Variants in GHRL observed in about 807,000 individuals in gnomAD.
GHRL encodes ghrelin and obestatin prepropeptide.
GHRL carries 24 observed loss-of-function variants against 16.9 expected under a neutral mutation model. The ratio of observed to expected loss-of-function variants is 1.42; its 90% CI spans 1.03 to 2.00. GHRL has a LOEUF of 2.00. GHRL is among the 30% of genes most tolerant of loss of function. The probability of loss-of-function intolerance (pLI) is 0.00; values close to 1 mark genes in which losing one functional copy is unlikely to be tolerated. For missense variants in GHRL, 193 were observed against 142.1 expected (o/e 1.36, Z -1.82); for synonymous variants, 63 against 58.2 (o/e 1.08, Z -0.37).
At position 10,285,985 on chromosome 3, in the gene GHRL, T is replaced by C. The variant is rs1261214295; in HGVS notation, c.335-91A>G. 7 of 1,160,544 alleles carry C rather than the reference T, an allele frequency of 6.0e-6. No individual in the cohort carries two copies. The South Asian group carries it at 6.4e-5, about 11-fold the overall frequency. The allele number at this position is 1,160,544 out of a possible 1,614,324, so 71.9% of individuals were successfully genotyped here. On this transcript the variant is annotated intron_variant, in intron 5 of 5. Transcript: ENST00000335542. ...TGGTGAGATTGGAGGTGGGATGTAA[T>C]GGTGGGGGTTGTGGGGAAGCACTGG... is the stretch of plus-strand genomic sequence containing the variant.
At position 10,285,745 on chromosome 3, in the gene GHRL, C is replaced by A; in HGVS notation, c.*130G>T. 1.5e-6 allele frequency: 1 copy of A among 673,588 alleles called. No homozygotes were observed. The highest frequency in any genetic ancestry group is 2.7e-6 in the Non-Finnish European group (1 of 370,590). 41.7% of individuals were successfully genotyped at this position (673,588 alleles called of 1,614,324 possible). A position where few individuals can be genotyped will look rare whatever the true frequency, so the allele number is the denominator to read the frequency against. ...TGAAATAAATTCCCATTTGGAACAT[C>A]AGCATACAGTTTGAACATTTATTCG... On this transcript the variant is annotated 3_prime_UTR_variant, in exon 6 of 6. Coordinates refer to ENST00000335542, the MANE Select transcript of GHRL (RefSeq NM_016362.5).
Position 10,292,929 on chromosome 3 carries a change from G to A in GHRL, c.-853C>T, listed in dbSNP as rs1227536839. On this transcript the variant is annotated 5_prime_UTR_variant, in exon 1 of 6. Coordinates refer to ENST00000335542, the MANE Select transcript of GHRL (RefSeq NM_016362.5). ...AAGTAAACATCCACTGTGCAAAGCT[G>A]TGTTATCTTTGGGGAACTGAAATGT... The A allele has an allele frequency of 2.6e-6, 4 of 1,522,168 alleles. No homozygotes were observed. Among genetic ancestry groups the A allele is most frequent in the African/African-American group, 1.4e-5 (1 of 71,526 alleles). The allele number at this position is 1,522,168 out of a possible 1,614,324, so 94.3% of individuals were successfully genotyped here. A position where few individuals can be genotyped will look rare whatever the true frequency, so the allele number is the denominator to read the frequency against.
At chr3:10,289,235 G>A (rs555042177) in intron 4 of GHRL, among the ~76,000 whole-genome samples, 6 of 152,172 alleles carry the variant, frequency 3.9e-5, no homozygotes, top group African/African-American at 1.4e-4. Context: ...CTTGCCCCAC[G>A]CACGATTTGT....
chr3:10,288,543 G>C (rs968151259), intron 4 of GHRL, among the ~76,000 whole-genome samples: 1 of 152,206 alleles, frequency 6.6e-6, no homozygotes, highest in Non-Finnish European at 1.5e-5. Flanking sequence ...TGTGGAGCTA[G>C]CCGTCTCACC....
At chr3:10,292,811 G>C in intron 1 of GHRL, 31 bp downstream of exon 1, 1 of 1,312,450 alleles carries the variant, frequency 7.6e-7, no homozygotes, top group Non-Finnish European at 1.1e-6. Context: ...TGGTGACCAG[G>C]TACCTCCTGA....
intron 2 of GHRL, 72 bp downstream of exon 2, chr3:10,290,644 T>G (rs990036960): frequency 3.3e-5 from 26 of 786,986 alleles, no homozygotes; most frequent in Non-Finnish European, 3.9e-5. Context: ...CCCAGAGAGG[T>G]TAAACGGACG....
rs745757286 is a variant in GHRL at position 10,289,746 on chromosome 3, C to T, written c.225+16G>A. ...TCCTCGCTGCCACAGAAGCATAAAA[C>T]TGCAGAGGTACCGACCCGGACTTCC... On this transcript the variant is annotated intron_variant, in intron 4 of 5. Coordinates refer to ENST00000335542, the MANE Select transcript of GHRL (RefSeq NM_016362.5). The T allele has an allele frequency of 6.8e-7, 1 of 1,467,998 alleles. No homozygotes were observed. Among genetic ancestry groups the T allele is most frequent in the East Asian group, 2.3e-5 (1 of 44,102 alleles). The allele number at this position is 1,467,998 out of a possible 1,614,324, so 90.9% of individuals were successfully genotyped here. A position where few individuals can be genotyped will look rare whatever the true frequency, so the allele number is the denominator to read the frequency against.
At chr3:10,289,697 C>T in intron 4 of GHRL, 65 bp downstream of exon 4, 2 of 986,298 alleles carry the variant, frequency 2.0e-6, no homozygotes, top group Non-Finnish European at 3.3e-6. Flanking sequence ...CTCTCCCTGC[C>T]CTCCCTCTCC....
At chr3:10,286,573 AG>A (rs1207028492) in intron 5 of GHRL, 130 bp downstream of exon 5, 11 of 606,984 alleles carry the variant, frequency 1.8e-5, no homozygotes, top group Non-Finnish European at 9.0e-6. Flanking sequence ...ACTATCCTGC[AG>A]ATCTTTGGGA....
chr3:10,285,838 C>T lies in GHRL; in HGVS notation c.*37G>A, dbSNP rs771269632. On this transcript the variant is annotated 3_prime_UTR_variant, in exon 6 of 6. Coordinates refer to ENST00000335542, the MANE Select transcript of GHRL (RefSeq NM_016362.5). ...CAAGCGAAAAGCCAGATGAGCGCTTCTAAACTTAGAGAGAGGTGAGTAAGG... is the reference window on the plus strand; with the variant it reads ...CAAGCGAAAAGCCAGATGAGCGCTTTTAAACTTAGAGAGAGGTGAGTAAGG... 4.1e-5 allele frequency: 65 copies of T among 1,598,444 alleles called. No homozygotes were observed. The highest frequency in any genetic ancestry group is 3.3e-4 in the Middle Eastern group (2 of 6,060).
chr3:10,286,884 G>A, intron 4 of GHRL, 72 bp from the exon 5 acceptor site: 1 of 892,786 alleles, frequency 1.1e-6, no homozygotes, highest in Non-Finnish European at 1.8e-6. Flanking sequence ...AGGGGGCTCT[G>A]GGCTCTCTGC....
chr3:10,290,743 G>T lies in GHRL; in HGVS notation c.-57C>A. The T allele has an allele frequency of 3.0e-6, 3 of 997,766 alleles. No individual in the cohort carries two copies. Among genetic ancestry groups the T allele is most frequent in the Non-Finnish European group, 3.6e-6 (3 of 837,650 alleles). 61.8% of individuals were successfully genotyped at this position (997,766 alleles called of 1,614,324 possible). A position where few individuals can be genotyped will look rare whatever the true frequency, so the allele number is the denominator to read the frequency against. On this transcript the variant is annotated 5_prime_UTR_variant, in exon 2 of 6. Transcript: ENST00000335542. ...GCAGTTCCTGGCGGAGGTGGTGCCT[G>T]GTGGCTGTCAGGTCCTTATATAGGA...
Position 10,290,091 on chromosome 3 carries a change from A to G in GHRL, c.90T>C (p.Pro30=). 6.2e-7 allele frequency: 1 copy of G among 1,612,646 alleles called. No individual in the cohort carries two copies. Among genetic ancestry groups the G allele is most frequent in the Non-Finnish European group, 8.5e-7 (1 of 1,179,630 alleles). The change falls in exon 3 of 6, where the codon CCT becomes CCC. Residue 30 remains proline, a synonymous_variant. Transcript: ENST00000335542. Reference sequence around the variant, plus strand: ...GTCTCACCTGGACTCTCTGGTGTTCAGGGCTCAGGAAGCTGGAGCCTGCCA... The same window carrying G: ...GTCTCACCTGGACTCTCTGGTGTTCGGGGCTCAGGAAGCTGGAGCCTGCCA... The part of the protein sequence containing the change: ...LAMAGSSFLS[P]EHQRVQQRKE...
chr3:10,289,002 G>A (rs917739069), intron 4 of GHRL, among the ~76,000 whole-genome samples: 1 of 152,136 alleles, frequency 6.6e-6, no homozygotes, highest in Admixed American at 6.5e-5. Flanking sequence ...AGGAGGTGGG[G>A]CAGTTAGAGG....
intron 3 of GHRL, 77 bp from the exon 4 acceptor site, chr3:10,289,955 C>G (rs943774747): frequency 1.0e-4 from 149 of 1,469,524 alleles, no homozygotes; most frequent in Non-Finnish European, 1.3e-4. Context: ...GACCCAGAGT[C>G]CTTTGTGCTC....
chr3:10,290,962 G>T lies in GHRL; in HGVS notation c.-276C>A. On this transcript the variant is annotated 5_prime_UTR_variant, in exon 2 of 6. Coordinates refer to ENST00000335542, the MANE Select transcript of GHRL (RefSeq NM_016362.5). ...GTGCTCCAGCTGTCCCTGGAACACG[G>T]TGGCGGGGTGCCCCAAGTGGGCATG... The T allele has an allele frequency of 1.0e-6, 1 of 985,874 alleles. No homozygotes were observed. Among genetic ancestry groups the T allele is most frequent in the East Asian group, 1.1e-4 (1 of 8,828 alleles). The allele number at this position is 985,874 out of a possible 1,614,324, so 61.1% of individuals were successfully genotyped here.
intron 2 of GHRL, chr3:10,290,413 C>A: frequency 1.9e-6 from 1 of 539,578 alleles, no homozygotes; most frequent in Non-Finnish European, 3.3e-6. Context: ...GGGCAGAACA[C>A]CTGGCAGCAG....
At chr3:10,286,107 G>A (rs575305549) in intron 5 of GHRL, among the ~76,000 whole-genome samples, 5 of 152,316 alleles carry the variant, frequency 3.3e-5, no homozygotes, top group Admixed American at 3.3e-4. Flanking sequence ...TGCACAGCGG[G>A]GTGAATGCTA....
At chr3:10,286,855 A>T in intron 4 of GHRL, 43 bp from the exon 5 acceptor site, 1 of 1,163,310 alleles carries the variant, frequency 8.6e-7, no homozygotes, top group Non-Finnish European at 1.3e-6. Flanking sequence ...GTCAGAGGTC[A>T]TGCCCATCCC....
Sources: gnomAD v4.1 joint callset for allele counts (sites outside exome capture counted in the v4.1 genomes callset) on GRCh38, gnomAD v4.1.1 for gene constraint, MANE v1.5 for transcripts, NCBI Gene and HGNC (gene_info 2026-07-23, HGNC 2026-07-21) for gene names.